Variants in NFYC observed in about 807,000 individuals in gnomAD.
NFYC encodes CAAT box DNA-binding protein subunit C.
NFYC carries 25 observed loss-of-function variants against 53.1 expected under a neutral mutation model. That is an observed-to-expected ratio of 0.47 (90% CI 0.34 to 0.66). The LOEUF (loss-of-function observed/expected upper bound fraction) is 0.66. Among genes scored for constraint, NFYC ranks in the 30% least tolerant of loss-of-function variants. NFYC has a pLI of 0.01. For missense variants in NFYC, 260 were observed against 422.7 expected (o/e 0.62, Z 3.38); for synonymous variants, 145 against 152.6 (o/e 0.95, Z 0.37).
At chr1:40,755,947 A>T (rs1417167261) in intron 5 of NFYC, among the ~76,000 whole-genome samples, 3 of 151,878 alleles carry the variant, frequency 2.0e-5, no homozygotes, top group Admixed American at 1.3e-4. Flanking sequence ...GTAGTTGGGG[A>T]TAACTGGAGA....
intron 8 of NFYC, 101 bp downstream of exon 8, chr1:40,766,804 C>T: frequency 6.7e-7 from 1 of 1,490,850 alleles, no homozygotes; most frequent in Middle Eastern, 1.7e-4. Context: ...CCACCTCATC[C>T]TTCAACCAGA....
chr1:40,739,869 G>A (rs973257142), intron 2 of NFYC, among the ~76,000 whole-genome samples: 3 of 152,164 alleles, frequency 2.0e-5, no homozygotes, highest in Non-Finnish European at 4.4e-5. Flanking sequence ...GTGAAGGATG[G>A]GAGGGCAAAG....
At chr1:40,751,636 A>T (rs1359623025) in intron 4 of NFYC, among the ~76,000 whole-genome samples, 13 of 151,478 alleles carry the variant, frequency 8.6e-5, no homozygotes, top group Admixed American at 8.6e-4. Context: ...TGGTCTTGAA[A>T]CTCCTGGCTC....
At chr1:40,724,422 G>GT (rs1261762509) in intron 1 of NFYC, among the ~76,000 whole-genome samples, 1 of 152,166 alleles carries the variant, frequency 6.6e-6, no homozygotes, top group Non-Finnish European at 1.5e-5. Flanking sequence ...CAGTGAAACT[G>GT]TTTCTAAAAA....
chr1:40,768,624 A>AGCT (rs1646937053), intron 8 of NFYC: 1 of 152,262 alleles, frequency 6.6e-6, no homozygotes, highest in Non-Finnish European at 1.5e-5. Flanking sequence ...TAGTTTACCG[A>AGCT]GCTGCTCCCA....
At chr1:40,733,015 C>CT (rs1409772999) in intron 1 of NFYC, among the ~76,000 whole-genome samples, 8 of 81,754 alleles carry the variant, frequency 9.8e-5, no homozygotes, top group South Asian at 1.3e-3. Context: ...TTCGCCCCCC[C>CT]CCCCTTTTTT....
chr1:40,758,094 T>C (rs1174440961), intron 5 of NFYC, 27 bp from the exon 6 acceptor site: 1 of 1,611,056 alleles, frequency 6.2e-7, no homozygotes, highest in Non-Finnish European at 8.5e-7. Context: ...TCTTTTCCTC[T>C]TACCTGCCTC....
In NFYC at chr1:40,770,466, A is replaced by C; in HGVS notation, c.889-243A>C. The C allele has an allele frequency of 6.4e-7, 1 of 1,550,926 alleles. No individual in the cohort carries two copies. Among genetic ancestry groups the C allele is most frequent in the Non-Finnish European group, 8.7e-7 (1 of 1,147,010 alleles). Reference sequence around the variant, plus strand: ...GGCAGAGCCCAGAGAAGTGAAAGCCACAGGAAATTCAACTCCCTGCACCTC... The same window carrying C: ...GGCAGAGCCCAGAGAAGTGAAAGCCCCAGGAAATTCAACTCCCTGCACCTC... On this transcript the variant is annotated intron_variant, in intron 9 of 9. Transcript: ENST00000447388. The surrounding 1 kb of genome is among the most constrained non-coding windows in gnomAD (Gnocchi z 5.3).
In NFYC at chr1:40,719,850, T is replaced by C. The variant is rs536787829; in HGVS notation, c.-8-18986T>C. ...TTTTAATTTCACCTGTGGCATATACTTGTCCTGGTGAATTCTGCCAAGTTC... is the reference window on the plus strand; with the variant it reads ...TTTTAATTTCACCTGTGGCATATACCTGTCCTGGTGAATTCTGCCAAGTTC... On this transcript the variant is annotated intron_variant, in intron 1 of 9. Transcript: ENST00000447388. Among the ~76,000 whole-genome samples the C allele has an allele frequency of 1.6e-4, 24 of 152,368 alleles. No homozygotes were observed. The South Asian group carries it at 3.7e-3, about 24-fold the overall frequency.
At chr1:40,769,495 T>A in intron 9 of NFYC, 80 bp downstream of exon 9, 1 of 1,236,328 alleles carries the variant, frequency 8.1e-7, no homozygotes, top group Non-Finnish European at 1.2e-6. Flanking sequence ...TTTGGATGGT[T>A]AGGGCAACTG....
At chr1:40,767,217 G>C in intron 8 of NFYC, 1 of 500,842 alleles carries the variant, frequency 2.0e-6, no homozygotes, top group Non-Finnish European at 3.7e-6. Flanking sequence ...CTGCCTCCCT[G>C]GGCTTGGGGG....
chr1:40,733,739 A>C (rs1056410889), intron 1 of NFYC, among the ~76,000 whole-genome samples: 1 of 144,100 alleles, frequency 6.9e-6, no homozygotes, highest in African/African-American at 2.6e-5. Context: ...CTATTTAAAA[A>C]TTTTTTTTTT....
chr1:40,731,079 ATTGAG>A (rs1644748498), intron 1 of NFYC, among the ~76,000 whole-genome samples: 4 of 152,008 alleles, frequency 2.6e-5, no homozygotes, highest in Non-Finnish European at 5.9e-5. Flanking sequence ...GTGCCCTGTG[ATTGAG>A]TTGTCCAGGC....
chr1:40,763,046 G>A lies in NFYC; in HGVS notation c.720G>A (p.Pro240=), dbSNP rs559306902. The change falls in exon 7 of 10, where the codon CCG becomes CCA. Residue 240 remains proline (P), a splice_region_variant and synonymous_variant. Transcript: ENST00000447388. ...ITNTGEIQQI[P]VQLNAGQLQY... ...ACACAGGAGAGATCCAGCAGATCCC[G>A]GTGAGTCCTGCCCTGAGGTCTGTCT... The A allele has an allele frequency of 1.3e-5, 20 of 1,592,998 alleles. No individual in the cohort carries two copies. Among genetic ancestry groups the A allele is most frequent in the South Asian group, 3.4e-5 (3 of 88,664 alleles).
chr1:40,745,240 G>A (rs1298081365), intron 2 of NFYC, among the ~76,000 whole-genome samples: 2 of 152,152 alleles, frequency 1.3e-5, no homozygotes, highest in Non-Finnish European at 2.9e-5. Flanking sequence ...CTTTAGTTAA[G>A]TAATCATGGA....
At chr1:40,755,188 G>A (rs1646143596) in intron 5 of NFYC, among the ~76,000 whole-genome samples, 1 of 152,200 alleles carries the variant, frequency 6.6e-6, no homozygotes. Context: ...GTCAGGGCTG[G>A]TTGCACAACA....
chr1:40,695,965 T>G (rs1169719279), intron 1 of NFYC, among the ~76,000 whole-genome samples: 1 of 151,990 alleles, frequency 6.6e-6, no homozygotes, highest in African/African-American at 2.4e-5. Context: ...AGTAATTTGC[T>G]TAAGTTCTCA....
intron 5 of NFYC, among the ~76,000 whole-genome samples, 186 bp downstream of exon 5, chr1:40,753,432 G>A (rs1646026870): frequency 1.3e-5 from 2 of 152,184 alleles, no homozygotes; most frequent in African/African-American, 4.8e-5. Flanking sequence ...CAGTGCCTCC[G>A]AAGTGGTATT....
chr1:40,733,712 C>T lies in NFYC; in HGVS notation c.-8-5124C>T, dbSNP rs139108732. Among the ~76,000 whole-genome samples the T allele has an allele frequency of 4.4e-3, 658 of 150,948 alleles. 6 individuals are homozygous for T. The highest frequency in any genetic ancestry group is 3.4e-3 in the Non-Finnish European group (233 of 67,682). On this transcript the variant is annotated intron_variant, in intron 1 of 9. Transcript: ENST00000447388. ...GCCTCCTGAGTAGCTAAGACTTACA[C>T]GTGTGTGCCACAATGCCTATTTAAA...
Sources: allele counts gnomAD v4.1 joint callset (sites outside exome capture counted in the v4.1 genomes callset), GRCh38; gene constraint gnomAD v4.1.1; non-coding constraint Gnocchi (gnomAD v3.1); transcripts MANE v1.5; gene names NCBI Gene and HGNC (gene_info 2026-07-23, HGNC 2026-07-21).